The following ELP4 variants were observed in gnomAD, a reference collection of about 807,000 sequenced individuals.
ELP4 encodes the protein elongator complex protein 4.
Under a neutral mutation model 48.9 loss-of-function variants are expected in ELP4, and 51 were observed. The ratio of observed to expected loss-of-function variants is 1.04; its 90% CI spans 0.83 to 1.32. ELP4 has a LOEUF of 1.32. ELP4 is among the 40% of genes most tolerant of loss of function. The pLI, the probability that ELP4 is intolerant of heterozygous loss-of-function variation, is 0.00. For missense variants in ELP4, 519 were observed against 514.6 expected, an observed-to-expected ratio of 1.01 and a Z score of -0.08; for synonymous variants, 210 against 189.2, an observed-to-expected ratio of 1.11 and a Z score of -0.90.
At chr11:31,754,851 G>A (rs184092359) in intron 9 of ELP4, among the ~76,000 whole-genome samples, 1 of 152,130 alleles carries the variant, frequency 6.6e-6, no homozygotes, top group African/African-American at 2.4e-5. Flanking sequence ...CAGCCTGGGT[G>A]ACAGAGCAAG....
chr11:31,645,043 A>G (rs1241815304), intron 7 of ELP4, among the ~76,000 whole-genome samples: 1 of 151,796 alleles, frequency 6.6e-6, no homozygotes, highest in Non-Finnish European at 1.5e-5. Context: ...AATGTGCAGA[A>G]AGCAGTAAGA....
intron 2 of ELP4, among the ~76,000 whole-genome samples, chr11:31,537,822 G>T (rs543669684): frequency 3.9e-5 from 6 of 152,186 alleles, no homozygotes; most frequent in Non-Finnish European, 8.8e-5. Context: ...TGAGATTTGG[G>T]CAGGGACACA....
Position 31,713,441 on chromosome 11 carries a change from A to C in ELP4, c.1143+63220A>C, listed in dbSNP as rs368664803. On this transcript the variant is annotated intron_variant, in intron 9 of 9. Coordinates refer to ENST00000640961, the MANE Select transcript of ELP4 (RefSeq NM_019040.5). ...AATAACATTGAAGCAAATATTTCAA[A>C]GTATAATGATTATACAAACAATTGA... 1.6e-3 allele frequency among the ~76,000 whole-genome samples: 250 copies of C among 152,324 alleles called. 2 individuals are homozygous for C. The highest frequency in any genetic ancestry group is 5.3e-3 in the African/African-American group (219 of 41,590).
At chr11:31,678,447 T>A (rs1422130097) in intron 9 of ELP4, among the ~76,000 whole-genome samples, 1 of 151,870 alleles carries the variant, frequency 6.6e-6, no homozygotes, top group Non-Finnish European at 1.5e-5. Context: ...CAAGACCCTG[T>A]CTCAAAATTA....
At chr11:31,630,511 T>G (rs1401124728) in intron 6 of ELP4, among the ~76,000 whole-genome samples, 1 of 152,002 alleles carries the variant, frequency 6.6e-6, no homozygotes, top group Non-Finnish European at 1.5e-5. Flanking sequence ...GTATTTTTAG[T>G]AGAGACAGGG....
intron 9 of ELP4, among the ~76,000 whole-genome samples, chr11:31,674,224 G>A (rs1172525826): frequency 1.3e-5 from 2 of 152,144 alleles, no homozygotes; most frequent in East Asian, 3.9e-4. Context: ...ATTTAATAGA[G>A]CATCTAATAG....
chr11:31,513,147 T>C (rs1956041013), intron 1 of ELP4, among the ~76,000 whole-genome samples: 1 of 152,176 alleles, frequency 6.6e-6, no homozygotes, highest in African/African-American at 2.4e-5. Context: ...ACTACATATT[T>C]AACACAATCT....
At position 31,529,868 on chromosome 11, in the gene ELP4, C is replaced by T. The variant is rs1009067296; in HGVS notation, c.259+9777C>T. Among the ~76,000 whole-genome samples the T allele has an allele frequency of 3.3e-5, 5 of 152,158 alleles. No individual in the cohort carries two copies. In the South Asian group the frequency reaches 6.2e-4, roughly 19 times the overall value. ...TATAGGGCCAGAATGAAGTAAGGTA[C>T]CACCCACAAACCACACTTAACATCT... On this transcript the variant is annotated intron_variant, in intron 2 of 9. Transcript: ENST00000640961.
At chr11:31,637,368 G>C (rs914685513) in intron 7 of ELP4, 1 of 151,820 alleles carries the variant, frequency 6.6e-6, no homozygotes, top group African/African-American at 2.4e-5. Flanking sequence ...GGAGGTTGTC[G>C]TGGATTGAAA....
intron 9 of ELP4, among the ~76,000 whole-genome samples, chr11:31,717,711 G>A (rs552890104): frequency 1.7e-4 from 25 of 150,562 alleles, no homozygotes; most frequent in Non-Finnish European, 2.4e-4. Context: ...CCGAGATTGC[G>A]CCACTGCACT....
intron 5 of ELP4, among the ~76,000 whole-genome samples, chr11:31,624,660 AC>A (rs892162367): frequency 3.3e-5 from 5 of 151,856 alleles, no homozygotes; most frequent in African/African-American, 1.2e-4. Context: ...AGCTTCTGTA[AC>A]ATTTTTAATT....
chr11:31,664,708 T>G (rs959870045), intron 9 of ELP4, among the ~76,000 whole-genome samples: 2 of 152,110 alleles, frequency 1.3e-5, no homozygotes, highest in Admixed American at 6.6e-5. Flanking sequence ...TCTGGAAATA[T>G]GCAGCTGAAG....
chr11:31,526,310 A>G (rs1956293752), intron 2 of ELP4, among the ~76,000 whole-genome samples: 1 of 152,018 alleles, frequency 6.6e-6, no homozygotes. Flanking sequence ...CACCTTCTAT[A>G]TCGTCTCATT....
At chr11:31,510,056 G>C in intron 1 of ELP4, 49 bp downstream of exon 1, 2 of 1,567,896 alleles carry the variant, frequency 1.3e-6, no homozygotes, top group Non-Finnish European at 1.7e-6. Context: ...AACTTAGGGA[G>C]GGGACCTGTC....
At chr11:31,744,514 A>T (rs1446190171) in intron 9 of ELP4, among the ~76,000 whole-genome samples, 2 of 152,238 alleles carry the variant, frequency 1.3e-5, no homozygotes, top group African/African-American at 4.8e-5. Context: ...AACTGAATCC[A>T]GCAGCACATC....
chr11:31,760,073 A>C (rs578234643), intron 9 of ELP4, among the ~76,000 whole-genome samples: 7 of 152,282 alleles, frequency 4.6e-5, no homozygotes, highest in Non-Finnish European at 7.4e-5. Context: ...GTGATCTGAG[A>C]TATTGATGAG....
chr11:31,524,092 T>C (rs1183623719), intron 2 of ELP4, among the ~76,000 whole-genome samples: 1 of 152,206 alleles, frequency 6.6e-6, no homozygotes, highest in Non-Finnish European at 1.5e-5. Context: ...AGATAAATGA[T>C]ACACTTTTGG....
intron 1 of ELP4, among the ~76,000 whole-genome samples, chr11:31,513,203 G>A (rs577069785): frequency 3.2e-4 from 49 of 152,140 alleles, no homozygotes; most frequent in Middle Eastern, 3.4e-3. Flanking sequence ...GTATATTTAA[G>A]AAAAATGTAT....
chr11:31,549,008 C>G (rs376220260), intron 3 of ELP4, among the ~76,000 whole-genome samples: 2 of 151,996 alleles, frequency 1.3e-5, no homozygotes, highest in Non-Finnish European at 2.9e-5. Context: ...AAGACTTAAA[C>G]GTTAGACCTA....
Sources: allele counts gnomAD v4.1 joint callset (sites outside exome capture counted in the v4.1 genomes callset), GRCh38; gene constraint gnomAD v4.1.1; transcripts MANE v1.5; gene names NCBI Gene and HGNC (gene_info 2026-07-23, HGNC 2026-07-21).